The following DCDC2 variants were observed in gnomAD, a reference collection of about 807,000 sequenced individuals.
DCDC2 encodes doublecortin domain-containing protein 2.
A neutral mutation model predicts 50.2 loss-of-function variants in DCDC2; 40 were observed. The observed-to-expected ratio is 0.80, with a 90% CI of 0.62 to 1.04. The LOEUF is 1.04. DCDC2 is among the 50% of genes least tolerant of loss of function. The pLI is 0.00. For missense variants in DCDC2, 570 were observed against 581.9 expected (o/e 0.98, Z 0.21); for synonymous variants, 234 against 210.6 (o/e 1.11, Z -0.96).
At chr6:24,305,798 G>A (rs988657514) in intron 2 of DCDC2, among the ~76,000 whole-genome samples, 1 of 152,006 alleles carries the variant, frequency 6.6e-6, no homozygotes, top group Non-Finnish European at 1.5e-5. Flanking sequence ...AGGCCAAGGG[G>A]GGGTGGATCA....
chr6:24,253,095 G>A (rs1762824846), intron 7 of DCDC2, among the ~76,000 whole-genome samples: 1 of 152,008 alleles, frequency 6.6e-6, no homozygotes, highest in South Asian at 2.1e-4. Context: ...AAAAACAAGG[G>A]CTAAAAATTG....
intron 8 of DCDC2, among the ~76,000 whole-genome samples, chr6:24,182,111 T>C (rs977374519): frequency 6.6e-6 from 1 of 152,130 alleles, no homozygotes; most frequent in South Asian, 2.1e-4. Flanking sequence ...GATATCTACA[T>C]GCAAAAGAAT....
intron 7 of DCDC2, among the ~76,000 whole-genome samples, chr6:24,220,871 A>AAGC (rs1762084513): frequency 4.2e-5 from 1 of 24,006 alleles, no homozygotes; most frequent in Non-Finnish European, 7.3e-5. Context: ...ACAGAGAGCA[A>AAGC]GAGAGCGAGA....
At chr6:24,373,581 A>C in the DCDC2 span, among the ~76,000 whole-genome samples, 1 of 152,174 alleles carries the variant, frequency 6.6e-6, no homozygotes, top group Non-Finnish European at 1.5e-5. Flanking sequence ...AGGAACAGTT[A>C]TAGATACGCA....
At chr6:24,178,011 C>A (rs1030769333) in intron 9 of DCDC2, among the ~76,000 whole-genome samples, 2 of 151,990 alleles carry the variant, frequency 1.3e-5, no homozygotes, top group African/African-American at 4.8e-5. Flanking sequence ...TTTTATATTT[C>A]TTTCTTGGAT....
intron 2 of DCDC2, among the ~76,000 whole-genome samples, chr6:24,322,636 A>G (rs1759792865): frequency 6.6e-6 from 1 of 152,136 alleles, no homozygotes; most frequent in African/African-American, 2.4e-5. Context: ...TGGTCCCCAC[A>G]ATCCTTTGTC....
chr6:24,230,173 T>C (rs894761773), intron 7 of DCDC2, among the ~76,000 whole-genome samples: 1 of 152,218 alleles, frequency 6.6e-6, no homozygotes, highest in South Asian at 2.1e-4. Context: ...GCACTGGGAA[T>C]GCAGAAGTGA....
intron 8 of DCDC2, among the ~76,000 whole-genome samples, chr6:24,189,626 A>G (rs1321816431): frequency 6.6e-6 from 1 of 152,200 alleles, no homozygotes. Flanking sequence ...TAAGGCATAT[A>G]CTATCATAAA....
intron 7 of DCDC2, among the ~76,000 whole-genome samples, chr6:24,224,356 T>C (rs1302389572): frequency 2.0e-5 from 3 of 152,226 alleles, no homozygotes; most frequent in African/African-American, 7.2e-5. Flanking sequence ...TGGCTATGTA[T>C]GCAACTGGGC....
intron 2 of DCDC2, among the ~76,000 whole-genome samples, chr6:24,314,219 T>A (rs1170672386): frequency 2.0e-5 from 3 of 152,164 alleles, no homozygotes; most frequent in Non-Finnish European, 4.4e-5. Context: ...ATGCCTGTAA[T>A]CCCAGCACCT....
the DCDC2 span, among the ~76,000 whole-genome samples, chr6:24,378,753 G>A: frequency 7.9e-5 from 12 of 152,042 alleles, no homozygotes; most frequent in South Asian, 4.2e-4. Context: ...ATTCAGCCTA[G>A]CAGCTTCTAA....
chr6:24,268,995 G>T (rs1014346666), intron 7 of DCDC2, among the ~76,000 whole-genome samples: 5 of 152,132 alleles, frequency 3.3e-5, no homozygotes, highest in Admixed American at 3.3e-4. Context: ...AAGCTCAAAG[G>T]TATTTTACAG....
chr6:24,200,717 A>T (rs529943634), intron 8 of DCDC2, among the ~76,000 whole-genome samples: 23 of 152,308 alleles, frequency 1.5e-4, no homozygotes, highest in African/African-American at 5.5e-4. Flanking sequence ...TTGGATAAAG[A>T]GTCAAGACCC....
chr6:24,186,125 A>C (rs1003840144), intron 8 of DCDC2, among the ~76,000 whole-genome samples: 9 of 152,268 alleles, frequency 5.9e-5, no homozygotes, highest in African/African-American at 2.2e-4. Context: ...TAATACTTGC[A>C]GAAGTAATAC....
chr6:24,314,402 G>A (rs575200063), intron 2 of DCDC2, among the ~76,000 whole-genome samples: 2 of 152,194 alleles, frequency 1.3e-5, no homozygotes, highest in African/African-American at 2.4e-5. Flanking sequence ...GAGCCTAGGC[G>A]TTCCAGGTTG....
At chr6:24,244,845 GACACAGACCC>G in intron 7 of DCDC2, among the ~76,000 whole-genome samples, 1 of 152,344 alleles carries the variant, frequency 6.6e-6, no homozygotes, top group South Asian at 2.1e-4. Context: ...GGATTGAGGT[GACACAGACCC>G]TCTCCTGCTA....
At chr6:24,295,858 T>G (rs777429143) in intron 4 of DCDC2, among the ~76,000 whole-genome samples, 23 of 152,194 alleles carry the variant, frequency 1.5e-4, no homozygotes, top group African/African-American at 5.3e-4. Context: ...CCCATGGTCA[T>G]GGATAGGAAG....
chr6:24,358,934 ATT>A (rs1491581240), upstream of DCDC2, among the ~76,000 whole-genome samples: 40 of 19,198 alleles, frequency 2.1e-3, no homozygotes, highest in African/African-American at 0.011. Context: ...TATATTATAT[ATT>A]TTATATATTA....
intron 4 of DCDC2, among the ~76,000 whole-genome samples, chr6:24,301,370 CAAAAAAAAAAAA>C (rs59055669): frequency 2.8e-4 from 18 of 64,112 alleles, no homozygotes; most frequent in Non-Finnish European, 4.2e-4. Flanking sequence ...GGCTCCATCT[CAAAAAAAAAAAA>C]AAAAAAAAAA....
Sources: allele counts gnomAD v4.1 joint callset (sites outside exome capture counted in the v4.1 genomes callset), GRCh38; gene constraint gnomAD v4.1.1; transcripts MANE v1.5; gene names NCBI Gene and HGNC (gene_info 2026-07-23, HGNC 2026-07-21).